Variants in ABL2 observed in about 807,000 individuals in gnomAD.
ABL2 encodes ABL proto-oncogene 2, non-receptor tyrosine kinase.
Under a neutral mutation model 107.7 loss-of-function variants are expected in ABL2, and 49 were observed. The observed-to-expected ratio is 0.45, with a 90% CI of 0.36 to 0.58. ABL2 has a LOEUF of 0.58. Among genes scored for constraint, ABL2 ranks in the 20% least tolerant of loss-of-function variants. The pLI is 0.00. For missense variants in ABL2, 1,245 were observed against 1,457.0 expected (o/e 0.85, Z 2.37); for synonymous variants, 549 against 548.6 (o/e 1.00, Z -0.01).
chr1:179,105,073 G>A lies in ABL2; in HGVS notation c.*2645C>T, dbSNP rs545394209. 10 of 230,124 alleles carry A rather than the reference G, an allele frequency of 4.3e-5. No homozygotes were observed. Among genetic ancestry groups the A allele is most frequent in the South Asian group, 1.8e-4 (1 of 5,494 alleles). The allele number at this position is 230,124 out of a possible 1,614,324, so 14.3% of individuals were successfully genotyped here. On this transcript the variant is annotated 3_prime_UTR_variant, in exon 12 of 12. Transcript: ENST00000502732. The stretch of plus-strand genomic sequence containing the variant: ...TACATAGTTCAAGCATCATGTGGAC[G>A]GGGTATGCTCCAATAGTCAATGCCA...
At chr1:179,159,645 T>G (rs1476562872) in intron 1 of ABL2, among the ~76,000 whole-genome samples, 1 of 152,158 alleles carries the variant, frequency 6.6e-6, no homozygotes, top group Non-Finnish European at 1.5e-5. Context: ...GCTGCTACAC[T>G]GATTTATACT....
chr1:179,218,363 TTC>T (rs1007630780), intron 1 of ABL2, among the ~76,000 whole-genome samples: 33 of 152,250 alleles, frequency 2.2e-4, no homozygotes, highest in African/African-American at 6.5e-4. Flanking sequence ...ACATCCTGTT[TTC>T]TGACAGTCAT....
In ABL2 at chr1:179,106,171, A is replaced by T; in HGVS notation, c.*1547T>A. 1 of 222,668 alleles carries T rather than the reference A, an allele frequency of 4.5e-6. No homozygotes were observed. Among genetic ancestry groups the T allele is most frequent in the Non-Finnish European group, 9.0e-6 (1 of 111,356 alleles). The allele number at this position is 222,668 out of a possible 1,614,324, so 13.8% of individuals were successfully genotyped here. On this transcript the variant is annotated 3_prime_UTR_variant, in exon 12 of 12. Transcript: ENST00000502732. ...GGGAGGATGGGGGAAGTATTCATAA[A>T]GCTTTAAAAAGAGAATGAAGCAGTA... is the stretch of plus-strand genomic sequence containing the variant.
rs1558014337 is a variant in ABL2, at chr1:179,229,637, G to GCCGCCGCCGCCGCCGCCGCCA, written c.-241_-240insTGGCGGCGGCGGCGGCGGCGG. On this transcript the variant is annotated 5_prime_UTR_variant, in exon 1 of 12. Transcript: ENST00000502732. ...GTCGCGGCTCCGCGCCCCCAACGCC[G>GCCGCCGCCGCCGCCGCCGCCA]CCGCCGCCGCCGCCGCCACCGCCGC... 1 of 485,882 alleles carries GCCGCCGCCGCCGCCGCCGCCA rather than the reference G, an allele frequency of 2.1e-6. No individual in the cohort carries two copies. The highest frequency in any genetic ancestry group is 4.3e-5 in the Admixed American group (1 of 23,082). 30.1% of individuals were successfully genotyped at this position (485,882 alleles called of 1,614,324 possible).
chr1:179,105,630 A>C lies in ABL2; in HGVS notation c.*2088T>G, dbSNP rs1262801086. 1 of 227,968 alleles carries C rather than the reference A, an allele frequency of 4.4e-6. No individual in the cohort carries two copies. Among genetic ancestry groups the C allele is most frequent in the Non-Finnish European group, 8.7e-6 (1 of 114,826 alleles). 14.1% of individuals were successfully genotyped at this position (227,968 alleles called of 1,614,324 possible). A position where few individuals can be genotyped will look rare whatever the true frequency, so the allele number is the denominator to read the frequency against. On this transcript the variant is annotated 3_prime_UTR_variant, in exon 12 of 12. Transcript: ENST00000502732. ...CTGCAGGTGACATACTGCGGGGATC[A>C]CCCAACACCTGCCAGGAATGCCCAG... is the stretch of plus-strand genomic sequence containing the variant.
At chr1:179,229,205 C>CCCCCCCCCCCCCCCCCA in intron 1 of ABL2, 36 bp downstream of exon 1, 1 of 1,461,768 alleles carries the variant, frequency 6.8e-7, no homozygotes, top group Non-Finnish European at 9.1e-7. Context: ...CCCCGGCCTC[C>CCCCCCCCCCCCCCCCCA]CCCACGCTCT....
rs565397689 is a variant in ABL2 at position 179,158,602 on chromosome 1, C to T, written c.158-25228G>A. On this transcript the variant is annotated intron_variant, in intron 1 of 11. Transcript: ENST00000502732. Reference sequence around the variant, plus strand: ...CCTAAGGCTAGAAACCAGTGACTAACGTAAGTCCTTTTCCATGATGAGGGA... The same window carrying T: ...CCTAAGGCTAGAAACCAGTGACTAATGTAAGTCCTTTTCCATGATGAGGGA... 2.8e-4 allele frequency among the ~76,000 whole-genome samples: 42 copies of T among 152,248 alleles called. No homozygotes were observed. The Middle Eastern group carries it at 0.01, about 37-fold the overall frequency.
At chr1:179,124,623 C>T (rs563328821) in intron 4 of ABL2, among the ~76,000 whole-genome samples, 2 of 152,066 alleles carry the variant, frequency 1.3e-5, no homozygotes, top group Non-Finnish European at 2.9e-5. Flanking sequence ...CGCGTGCCAC[C>T]ATGCCAGGCC....
intron 1 of ABL2, among the ~76,000 whole-genome samples, chr1:179,206,481 T>C (rs1661972999): frequency 6.9e-6 from 1 of 143,926 alleles, no homozygotes; most frequent in Admixed American, 7.2e-5. Flanking sequence ...ATCCACACAA[T>C]GAAATGCTAT....
In ABL2 at chr1:179,110,794, T is replaced by C. The variant is rs777761103; in HGVS notation, c.1652-339A>G. On this transcript the variant is annotated intron_variant, in intron 10 of 11. Transcript: ENST00000502732. Reference sequence around the variant, plus strand: ...ACGTTGCTAGCATCATCCTGCTCTGTGTCTTTTGGTTCACAATGTTATGCA... The same window carrying C: ...ACGTTGCTAGCATCATCCTGCTCTGCGTCTTTTGGTTCACAATGTTATGCA... The C allele has an allele frequency of 1.2e-5, 20 of 1,613,862 alleles. No individual in the cohort carries two copies. In the South Asian group the frequency reaches 2.1e-4, roughly 17 times the overall value.
intron 10 of ABL2, among the ~76,000 whole-genome samples, chr1:179,111,162 T>G (rs2102588464): frequency 6.6e-6 from 1 of 151,760 alleles, no homozygotes; most frequent in South Asian, 2.1e-4. Flanking sequence ...CTTTGTATTT[T>G]CAGTAGAGAT....
intron 1 of ABL2, among the ~76,000 whole-genome samples, chr1:179,191,042 C>G: frequency 6.6e-6 from 1 of 152,146 alleles, no homozygotes; most frequent in East Asian, 1.9e-4. Context: ...CAGCTAGTCC[C>G]TATTTAGATA....
Position 179,162,366 on chromosome 1 carries a change from C to G in ABL2, c.158-28992G>C, listed in dbSNP as rs551870665. ...TCGGGAGGCCAAGGCAGGCAGATCA[C>G]CTGAAGTCAGGAACTCAAGACCAGC... is the stretch of plus-strand genomic sequence containing the variant. On this transcript the variant is annotated intron_variant, in intron 1 of 11. Coordinates refer to ENST00000502732, the MANE Select transcript of ABL2 (RefSeq NM_007314.4). Among the ~76,000 whole-genome samples, 295 of 152,278 alleles carry G rather than the reference C, an allele frequency of 1.9e-3. 3 individuals are homozygous for G. The highest frequency in any genetic ancestry group is 3.3e-3 in the Non-Finnish European group (224 of 68,030).
intron 5 of ABL2, among the ~76,000 whole-genome samples, chr1:179,120,775 A>G (rs1160398564): frequency 1.3e-5 from 2 of 152,174 alleles, no homozygotes; most frequent in Non-Finnish European, 2.9e-5. Context: ...CTGGAGTAAA[A>G]ATTAGCAGGA....
In ABL2 at chr1:179,103,323, T is replaced by A. The variant is rs991161182; in HGVS notation, c.*4395A>T. 1 of 206,180 alleles carries A rather than the reference T, an allele frequency of 4.9e-6. No homozygotes were observed. Among genetic ancestry groups the A allele is most frequent in the Non-Finnish European group, 9.9e-6 (1 of 101,062 alleles). The allele number at this position is 206,180 out of a possible 1,614,324, so 12.8% of individuals were successfully genotyped here. A position where few individuals can be genotyped will look rare whatever the true frequency, so the allele number is the denominator to read the frequency against. On this transcript the variant is annotated 3_prime_UTR_variant, in exon 12 of 12. Transcript: ENST00000502732. ...ATTCTTACGTATCTACATTTTCAGG[T>A]ACCCCACAGGGTCCATCCACATTGA...
At position 179,160,911 on chromosome 1, in the gene ABL2, C is replaced by T. The variant is rs1351143223; in HGVS notation, c.158-27537G>A. Among the ~76,000 whole-genome samples the T allele has an allele frequency of 2.0e-5, 3 of 152,110 alleles. 1 individual carries two copies. Among genetic ancestry groups the T allele is most frequent in the Non-Finnish European group, 2.9e-5 (2 of 67,994 alleles). On this transcript the variant is annotated intron_variant, in intron 1 of 11. Coordinates refer to ENST00000502732, the MANE Select transcript of ABL2 (RefSeq NM_007314.4). Reference sequence around the variant, plus strand: ...AGCCACCACACCTGGCTAGTTTTTTCATTTTTTGTAGAGACAGGGTCTCTG... The same window carrying T: ...AGCCACCACACCTGGCTAGTTTTTTTATTTTTTGTAGAGACAGGGTCTCTG...
At chr1:179,158,307 G>C (rs2102746186) in intron 1 of ABL2, among the ~76,000 whole-genome samples, 1 of 152,284 alleles carries the variant, frequency 6.6e-6, no homozygotes, top group East Asian at 1.9e-4. Context: ...TACATAACAG[G>C]TGTTGAATAC....
chr1:179,174,169 T>C (rs1476982856), intron 1 of ABL2, among the ~76,000 whole-genome samples: 1 of 151,404 alleles, frequency 6.6e-6, no homozygotes, highest in East Asian at 1.9e-4. Flanking sequence ...GTGCATGTAG[T>C]CCCAGCTACT....
chr1:179,184,626 G>T, intron 1 of ABL2: 1 of 514,956 alleles, frequency 1.9e-6, no homozygotes, highest in South Asian at 2.2e-5. Context: ...ATGAAGAAGG[G>T]GATGAGGAAG....
Sources: gnomAD v4.1 joint callset for allele counts (sites outside exome capture counted in the v4.1 genomes callset) on GRCh38, gnomAD v4.1.1 for gene constraint, MANE v1.5 for transcripts, NCBI Gene and HGNC (gene_info 2026-07-23, HGNC 2026-07-21) for gene names.